CNOT6L: variants seen among roughly 807,000 people sequenced by gnomAD.
The protein encoded by CNOT6L is CCR4-NOT transcription complex subunit 6-like.
Under a neutral mutation model 64.0 loss-of-function variants are expected in CNOT6L, and 7 were observed. That is an observed-to-expected ratio of 0.11 (90% CI 0.06 to 0.21). The LOEUF is 0.21. Among genes scored for constraint, CNOT6L ranks in the 10% least tolerant of loss-of-function variants. The probability of loss-of-function intolerance (pLI) is 1.00; values close to 1 mark genes in which losing one functional copy is unlikely to be tolerated. For synonymous variants in CNOT6L, 193 were observed against 243.4 expected (o/e 0.79, Z 1.93); for missense variants, 245 against 669.0 (o/e 0.37, Z 6.99).
At position 77,716,175 on chromosome 4, in the gene CNOT6L, A is replaced by C. The variant is rs1404809448; in HGVS notation, c.*4256T>G. ...ATATCTCATCAATGTGAGAATTCAC[A>C]TTTCTGTCAAAATGTAAGTATGTAT... On this transcript the variant is annotated 3_prime_UTR_variant, in exon 12 of 12. Coordinates refer to ENST00000504123, the MANE Select transcript of CNOT6L (RefSeq NM_144571.3). 1.3e-5 allele frequency: 2 copies of C among 152,106 alleles called. No individual in the cohort carries two copies. Among genetic ancestry groups the C allele is most frequent in the Non-Finnish European group, 2.9e-5 (2 of 67,990 alleles). 9.4% of individuals were successfully genotyped at this position (152,106 alleles called of 1,614,324 possible).
chr4:77,814,727 T>C (rs1733362672), intron 1 of CNOT6L, among the ~76,000 whole-genome samples: 1 of 152,168 alleles, frequency 6.6e-6, no homozygotes, highest in African/African-American at 2.4e-5. Context: ...AGAGATTATA[T>C]ATAACTCCCC....
intron 1 of CNOT6L, among the ~76,000 whole-genome samples, chr4:77,816,502 A>C (rs1733592796): frequency 6.6e-6 from 1 of 152,158 alleles, no homozygotes; most frequent in African/African-American, 2.4e-5. Context: ...CACAATTTGC[A>C]TTCTAATAGT....
chr4:77,787,122 C>T (rs1441260664), intron 1 of CNOT6L, among the ~76,000 whole-genome samples: 1 of 151,968 alleles, frequency 6.6e-6, no homozygotes, highest in African/African-American at 2.4e-5. Flanking sequence ...AAAAAAACAG[C>T]CGGGTGTGGT....
In CNOT6L at chr4:77,716,505, T is replaced by C. The variant is rs1342710026; in HGVS notation, c.*3926A>G. Reference sequence around the variant, plus strand: ...CTAAAAGTATAGATGGCATTAGTGATTTTTAGAAACGCTTGGAAATGCAAA... The same window carrying C: ...CTAAAAGTATAGATGGCATTAGTGACTTTTAGAAACGCTTGGAAATGCAAA... On this transcript the variant is annotated 3_prime_UTR_variant, in exon 12 of 12. Coordinates refer to ENST00000504123, the MANE Select transcript of CNOT6L (RefSeq NM_144571.3). 1 of 152,142 alleles carries C rather than the reference T, an allele frequency of 6.6e-6. No individual in the cohort carries two copies. The highest frequency in any genetic ancestry group is 1.9e-4 in the East Asian group (1 of 5,196). 9.4% of individuals were successfully genotyped at this position (152,142 alleles called of 1,614,324 possible). A position where few individuals can be genotyped will look rare whatever the true frequency, so the allele number is the denominator to read the frequency against.
At chr4:77,770,496 A>G (rs1727402080) in intron 4 of CNOT6L, among the ~76,000 whole-genome samples, 1 of 152,216 alleles carries the variant, frequency 6.6e-6, no homozygotes, top group Admixed American at 6.5e-5. Flanking sequence ...TGCTATTACC[A>G]TCTTAAACTT....
At chr4:77,800,295 C>T (rs552879348) in intron 1 of CNOT6L, among the ~76,000 whole-genome samples, 45 of 152,012 alleles carry the variant, frequency 3.0e-4, no homozygotes, top group Non-Finnish European at 5.4e-4. Context: ...TGAGCCCAGG[C>T]GTTCAAGGCC....
chr4:77,780,188 A>G (rs990001948), intron 1 of CNOT6L, among the ~76,000 whole-genome samples: 2 of 152,206 alleles, frequency 1.3e-5, no homozygotes, highest in Admixed American at 1.3e-4. Context: ...ACAGTCTCAT[A>G]TACAGCTCAG....
chr4:77,819,295 A>G lies in CNOT6L; in HGVS notation c.5+9T>C. On this transcript the variant is annotated intron_variant, in intron 1 of 11. Coordinates refer to ENST00000504123, the MANE Select transcript of CNOT6L (RefSeq NM_144571.3). ...CTCGGTCCTACTCGGAGGCAAAAGA[A>G]CACTCTACCTCATTCTCTTCCTCTG... 6.2e-7 allele frequency: 1 copy of G among 1,613,148 alleles called. No homozygotes were observed. Among genetic ancestry groups the G allele is most frequent in the East Asian group, 2.2e-5 (1 of 44,760 alleles).
chr4:77,729,980 G>A (rs1339304023), intron 9 of CNOT6L, among the ~76,000 whole-genome samples: 1 of 152,086 alleles, frequency 6.6e-6, no homozygotes, highest in African/African-American at 2.4e-5. Flanking sequence ...ATAATCTAGA[G>A]TATGAATGAC....
intron 6 of CNOT6L, among the ~76,000 whole-genome samples, chr4:77,745,669 A>G (rs1254027752): frequency 1.3e-5 from 2 of 152,218 alleles, no homozygotes; most frequent in African/African-American, 2.4e-5. Context: ...GCTGCCTAGT[A>G]GAATCACTTT....
At chr4:77,782,686 C>T (rs969896942) in intron 1 of CNOT6L, among the ~76,000 whole-genome samples, 1 of 149,826 alleles carries the variant, frequency 6.7e-6, no homozygotes, top group Non-Finnish European at 1.5e-5. Context: ...ACCTATGTTG[C>T]CCAGCCTGGC....
At chr4:77,809,927 T>C (rs1233717233) in intron 1 of CNOT6L, among the ~76,000 whole-genome samples, 2 of 152,120 alleles carry the variant, frequency 1.3e-5, no homozygotes, top group Non-Finnish European at 2.9e-5. Context: ...AAAACAATAT[T>C]TGAAAGCCCC....
At chr4:77,783,705 C>T (rs1729139094) in intron 1 of CNOT6L, among the ~76,000 whole-genome samples, 1 of 152,050 alleles carries the variant, frequency 6.6e-6, no homozygotes. Context: ...AAGTTAAACA[C>T]ATACTAGTAC....
chr4:77,781,502 C>T (rs777414022), intron 1 of CNOT6L, among the ~76,000 whole-genome samples: 4 of 152,002 alleles, frequency 2.6e-5, no homozygotes, highest in Non-Finnish European at 4.4e-5. Flanking sequence ...AATAAATCTA[C>T]GTAACATGCT....
chr4:77,794,318 A>G, intron 1 of CNOT6L, among the ~76,000 whole-genome samples: 1 of 152,102 alleles, frequency 6.6e-6, no homozygotes. Context: ...CTAATATCAA[A>G]TGAAACAAGA....
At chr4:77,773,210 T>A in intron 3 of CNOT6L, 44 bp from the exon 4 acceptor site, 1 of 1,198,202 alleles carries the variant, frequency 8.3e-7, no homozygotes, top group Non-Finnish European at 1.2e-6. Context: ...ATACTAAGTT[T>A]TATTAACATC....
In CNOT6L at chr4:77,774,558, C is replaced by T. The variant is rs772604106; in HGVS notation, c.286G>A (p.Ala96Thr). 6.2e-7 allele frequency: 1 copy of T among 1,611,994 alleles called. No individual in the cohort carries two copies. The highest frequency in any genetic ancestry group is 1.1e-5 in the South Asian group (1 of 90,762). Residue 96 changes from alanine to threonine, a missense_variant, in exon 3 of 12, where the codon GCA (alanine) becomes ACA (threonine). Ala to Thr is a moderately conservative substitution (Grantham distance 58, BLOSUM62 0). Around this residue, in one of 10 missense-constraint regions of CNOT6L, gnomAD observed 78 missense variants for 137.6 expected, o/e 0.57. Transcript: ENST00000504123. ...AGAGACACCATGTTTCCTAGTTCTG[C>T]TGGTAAACTTCTGAGTTTATTGGAT... ...LSSNKLRSLP[A>T]ELGNMVSLRE...
At chr4:77,769,581 C>CA (rs1463627262) in intron 4 of CNOT6L, among the ~76,000 whole-genome samples, 2 of 152,030 alleles carry the variant, frequency 1.3e-5, no homozygotes, top group Non-Finnish European at 2.9e-5. Context: ...ACATACAACA[C>CA]AAAAATAAGT....
chr4:77,784,547 G>A (rs892206540), intron 1 of CNOT6L, among the ~76,000 whole-genome samples: 1 of 150,566 alleles, frequency 6.6e-6, no homozygotes, highest in African/African-American at 2.4e-5. Flanking sequence ...ACCCAGGCTG[G>A]AGTGCAGTGT....
Sources: allele counts gnomAD v4.1 joint callset (sites outside exome capture counted in the v4.1 genomes callset), GRCh38; gene constraint gnomAD v4.1.1; regional missense constraint gnomAD v4.1.1; transcripts MANE v1.5; gene names NCBI Gene and HGNC (gene_info 2026-07-23, HGNC 2026-07-21).